NSF: variants seen among roughly 807,000 people sequenced by gnomAD.
NSF encodes vesicle-fusing ATPase.
A neutral mutation model predicts 50.3 loss-of-function variants in NSF; 14 were observed. The ratio of observed to expected loss-of-function variants is 0.28; its 90% confidence interval spans 0.18 to 0.44. The LOEUF is 0.44. Among genes scored for constraint, NSF ranks in the 20% least tolerant of loss-of-function variants. NSF has a pLI of 1.00. For synonymous variants in NSF, 109 were observed against 175.7 expected, an observed-to-expected ratio of 0.62 and a Z score of 3.00; for missense variants, 218 against 504.3, an observed-to-expected ratio of 0.43 and a Z score of 5.44.
intron 7 of NSF, among the ~76,000 whole-genome samples, chr17:46,642,429 CTTTG>C (rs893829976): frequency 4.4e-5 from 6 of 135,696 alleles, no homozygotes; most frequent in Non-Finnish European, 7.5e-5. Flanking sequence ...TTAATTTATT[CTTTG>C]TTTGAAATAG....
chr17:46,633,455 C>G (rs2058152787), intron 4 of NSF, among the ~76,000 whole-genome samples: 1 of 129,932 alleles, frequency 7.7e-6, no homozygotes, highest in Non-Finnish European at 1.7e-5. Context: ...GTTGCCCAGT[C>G]TGGTCTCTAA....
intron 13 of NSF, among the ~76,000 whole-genome samples, chr17:46,709,252 C>G (rs898325427): frequency 2.0e-5 from 3 of 151,932 alleles, no homozygotes; most frequent in Admixed American, 2.0e-4. Context: ...TCAAAAGTAA[C>G]TCCAAGATTT....
intron 17 of NSF, among the ~76,000 whole-genome samples, chr17:46,738,977 C>G (rs937278300): frequency 3.5e-5 from 5 of 144,602 alleles, no homozygotes; most frequent in Non-Finnish European, 6.1e-5. Context: ...GGCTCACACC[C>G]GTAATCCCAG....
rs904030744 is a variant in NSF, at chr17:46,756,243, T to C, written c.*420T>C. On this transcript the variant is annotated 3_prime_UTR_variant, in exon 21 of 21. Coordinates refer to ENST00000398238, the MANE Select transcript of NSF (RefSeq NM_006178.4). ...CAGACTTTCTACATGCAAATCTGGCTTAGTAAATCGAGGTGTGGGCCAGAG... is the reference window on the plus strand; with the variant it reads ...CAGACTTTCTACATGCAAATCTGGCCTAGTAAATCGAGGTGTGGGCCAGAG... 6.3e-6 allele frequency: 1 copy of C among 157,886 alleles called. No individual in the cohort carries two copies. Among genetic ancestry groups the C allele is most frequent in the African/African-American group, 2.4e-5 (1 of 41,638 alleles). 9.8% of individuals were successfully genotyped at this position (157,886 alleles called of 1,614,324 possible).
chr17:46,737,170 C>T (rs1032171576), intron 17 of NSF, among the ~76,000 whole-genome samples: 1 of 151,994 alleles, frequency 6.6e-6, no homozygotes, highest in African/African-American at 2.4e-5. Context: ...GCTCATAGTC[C>T]AAGAACACTG....
Position 46,722,136 on chromosome 17 carries a change from G to A in NSF, c.1762-4413G>A, listed in dbSNP as rs561716123. The stretch of plus-strand genomic sequence containing the variant: ...GAACTCGTCCGGCTTCTCGCCATTG[G>A]GCTTCACGATCTTGGCGCTCGAACT... On this transcript the variant is annotated intron_variant, in intron 15 of 20. Coordinates refer to ENST00000398238, the MANE Select transcript of NSF (RefSeq NM_006178.4). The A allele has an allele frequency of 2.4e-5, 39 of 1,611,868 alleles. No individual in the cohort carries two copies. The Admixed American group carries it at 6.3e-4, about 26-fold the overall frequency.
intron 19 of NSF, 73 bp downstream of exon 19, chr17:46,751,689 C>T: frequency 1.2e-6 from 1 of 846,788 alleles, no homozygotes; most frequent in Non-Finnish European, 1.8e-6. Context: ...TTCAGTATTT[C>T]CTTTGCCAAG....
At chr17:46,741,093 A>AGGGG (rs1385018478) in intron 17 of NSF, among the ~76,000 whole-genome samples, 14 of 152,224 alleles carry the variant, frequency 9.2e-5, no homozygotes, top group Admixed American at 3.3e-4. Flanking sequence ...AACAGTAGAC[A>AGGGG]GCAAAGCATA....
intron 13 of NSF, among the ~76,000 whole-genome samples, chr17:46,708,638 C>G (rs1173638149): frequency 6.8e-6 from 1 of 147,766 alleles, no homozygotes; most frequent in African/African-American, 2.5e-5. Flanking sequence ...ATTGTAGGCA[C>G]CCATCACCAT....
chr17:46,723,631 T>C (rs1032779130), intron 15 of NSF, among the ~76,000 whole-genome samples: 2 of 152,216 alleles, frequency 1.3e-5, no homozygotes, highest in African/African-American at 4.8e-5. Flanking sequence ...CAGCTTCACC[T>C]CTGTGTTTTA....
At chr17:46,633,665 A>G (rs1429691975) in intron 4 of NSF, among the ~76,000 whole-genome samples, 2 of 112,550 alleles carry the variant, frequency 1.8e-5, no homozygotes, top group African/African-American at 4.0e-5. Context: ...TAATGCTGCA[A>G]TGAACCTCCC....
intron 9 of NSF, among the ~76,000 whole-genome samples, chr17:46,676,512 G>A (rs1472894700): frequency 1.4e-5 from 2 of 147,096 alleles, no homozygotes; most frequent in South Asian, 2.1e-4. Flanking sequence ...GATTATAGGC[G>A]TGACCCACCA....
At chr17:46,688,020 A>AT (rs1162505470) in intron 9 of NSF, among the ~76,000 whole-genome samples, 12 of 105,288 alleles carry the variant, frequency 1.1e-4, no homozygotes, top group African/African-American at 4.1e-4. Context: ...AAAGAGTCAG[A>AT]TTTTTTTAAA....
chr17:46,722,455 G>C (rs746648595), intron 15 of NSF, among the ~76,000 whole-genome samples: 2 of 152,060 alleles, frequency 1.3e-5, no homozygotes, highest in Non-Finnish European at 2.9e-5. Context: ...TACTTTTCTC[G>C]CATCTTTCTT....
rs62074086 is a variant in NSF at position 46,728,946 on chromosome 17, C to T, written c.1908+12C>T. On this transcript the variant is annotated intron_variant, in intron 17 of 20. Coordinates refer to ENST00000398238, the MANE Select transcript of NSF (RefSeq NM_006178.4). Reference sequence around the variant, plus strand: ...AGGCACCTCCTCAGGTAAAATAATACTACTAATAAGGAATATTTTAACAAA... The same window carrying T: ...AGGCACCTCCTCAGGTAAAATAATATTACTAATAAGGAATATTTTAACAAA... The T allele has an allele frequency of 2.7e-6, 4 of 1,479,610 alleles. No individual in the cohort carries two copies. The highest frequency in any genetic ancestry group is 1.2e-5 in the South Asian group (1 of 85,042). 91.7% of individuals were successfully genotyped at this position (1,479,610 alleles called of 1,614,324 possible). A position where few individuals can be genotyped will look rare whatever the true frequency, so the allele number is the denominator to read the frequency against.
At chr17:46,747,534 C>T (rs1294678084) in intron 17 of NSF, among the ~76,000 whole-genome samples, 8 of 152,128 alleles carry the variant, frequency 5.3e-5, no homozygotes, top group Admixed American at 5.2e-4. Context: ...TCCATCTCAG[C>T]CTCCCAAAGT....
chr17:46,709,741 C>G (rs954896910), intron 13 of NSF, among the ~76,000 whole-genome samples: 1 of 152,082 alleles, frequency 6.6e-6, no homozygotes, highest in African/African-American at 2.4e-5. Context: ...GTGATCCACC[C>G]GCCTCAGCCT....
At chr17:46,739,906 G>A (rs1214415370) in intron 17 of NSF, among the ~76,000 whole-genome samples, 1 of 151,964 alleles carries the variant, frequency 6.6e-6, no homozygotes, top group Admixed American at 6.6e-5. Context: ...CACCATATTG[G>A]CCAGACTGGT....
intron 15 of NSF, among the ~76,000 whole-genome samples, chr17:46,720,208 A>G (rs1435255369): frequency 6.6e-6 from 1 of 152,222 alleles, no homozygotes; most frequent in Admixed American, 6.5e-5. Flanking sequence ...GTTTTTGCAT[A>G]TATTAGCTGA....
Sources: gnomAD v4.1 joint callset for allele counts (sites outside exome capture counted in the v4.1 genomes callset) on GRCh38, gnomAD v4.1.1 for gene constraint, MANE v1.5 for transcripts, NCBI Gene and HGNC (gene_info 2026-07-23, HGNC 2026-07-21) for gene names.